Variants in DCC observed in about 807,000 individuals in gnomAD.
DCC encodes the protein netrin receptor DCC.
In DCC, 58 loss-of-function variants were observed where a neutral mutation model predicts 172.5. That is an observed-to-expected ratio of 0.34 (90% CI 0.27 to 0.42). The LOEUF (loss-of-function observed/expected upper bound fraction) is 0.42. Among genes scored for constraint, DCC ranks in the 10% least tolerant of loss-of-function variants. DCC has a pLI of 1.00. For missense variants in DCC, 1,740 were observed against 1,791.0 expected (o/e 0.97, Z 0.51); for synonymous variants, 709 against 644.5 (o/e 1.10, Z -1.52).
At chr18:53,202,279 G>A (rs1390513077) in intron 9 of DCC, among the ~76,000 whole-genome samples, 1 of 152,144 alleles carries the variant, frequency 6.6e-6, no homozygotes, top group East Asian at 1.9e-4. Flanking sequence ...AATGGGGCAT[G>A]TCACAGGGAC....
chr18:52,658,248 A>T (rs1049383674), intron 1 of DCC, among the ~76,000 whole-genome samples: 2 of 152,136 alleles, frequency 1.3e-5, no homozygotes, highest in African/African-American at 2.4e-5. Context: ...CAACTGCAAG[A>T]CCTCTCTGAT....
intron 27 of DCC, among the ~76,000 whole-genome samples, chr18:53,507,260 C>T (rs994026888): frequency 6.6e-6 from 1 of 152,132 alleles, no homozygotes; most frequent in African/African-American, 2.4e-5. Context: ...ATAAAGTGCT[C>T]ACATAAACCT....
chr18:52,973,517 G>A (rs1011490377), intron 5 of DCC, among the ~76,000 whole-genome samples: 2 of 151,984 alleles, frequency 1.3e-5, no homozygotes, highest in Non-Finnish European at 2.9e-5. Context: ...TTACATCCTT[G>A]CATCTTTCAT....
intron 1 of DCC, among the ~76,000 whole-genome samples, chr18:52,567,827 AAC>A (rs2033196125): frequency 6.6e-6 from 1 of 152,114 alleles, no homozygotes; most frequent in African/African-American, 2.4e-5. Context: ...CTTAAAAAAA[AAC>A]AGAGAGGTGA....
At chr18:53,043,919 G>T (rs1372472429) in intron 5 of DCC, among the ~76,000 whole-genome samples, 1 of 151,770 alleles carries the variant, frequency 6.6e-6, no homozygotes, top group Admixed American at 6.6e-5. Context: ...CTGTTACTGT[G>T]CCTGTGAATG....
chr18:53,099,634 A>T (rs1219185011), intron 7 of DCC, among the ~76,000 whole-genome samples: 2 of 152,148 alleles, frequency 1.3e-5, no homozygotes, highest in African/African-American at 4.8e-5. Flanking sequence ...GTTGAGCACT[A>T]TATATTTGTC....
chr18:53,211,580 T>C (rs6508207), intron 11 of DCC, among the ~76,000 whole-genome samples: 84,343 of 151,756 alleles, frequency 0.56, 24,822 homozygotes, highest in African/African-American at 0.72. Flanking sequence ...AAGAATTAGC[T>C]GGGCGTGGTG....
intron 25 of DCC, among the ~76,000 whole-genome samples, chr18:53,470,139 CTTCTT>C (rs1003538417): frequency 2.0e-5 from 3 of 152,064 alleles, no homozygotes; most frequent in Admixed American, 2.0e-4. Flanking sequence ...CCTACACCTG[CTTCTT>C]AGATAATGTC....
intron 8 of DCC, among the ~76,000 whole-genome samples, chr18:53,175,496 A>G (rs1291772073): frequency 6.6e-6 from 1 of 150,860 alleles, no homozygotes; most frequent in African/African-American, 2.4e-5. Flanking sequence ...ATACAAAATC[A>G]ATGTACAAAA....
At chr18:53,270,161 T>C (rs991142223) in intron 12 of DCC, among the ~76,000 whole-genome samples, 10 of 152,104 alleles carry the variant, frequency 6.6e-5, no homozygotes, top group Admixed American at 3.9e-4. Flanking sequence ...ATTCTGAGTT[T>C]TTATTTTTCC....
In DCC at chr18:53,327,584, T is replaced by C. The variant is rs143888666; in HGVS notation, c.2164+5427T>C. On this transcript the variant is annotated intron_variant, in intron 14 of 28. Transcript: ENST00000442544. ...AGTCGGCAGTGCAGACTTAAGAAAG[T>C]GCAACAGTGATGCAGCAAAAAAATG... Among the ~76,000 whole-genome samples the C allele has an allele frequency of 4.1e-3, 632 of 152,304 alleles. 3 individuals are homozygous for C. Among genetic ancestry groups the C allele is most frequent in the African/African-American group, 0.015 (613 of 41,578 alleles).
chr18:52,516,138 G>A (rs1433967195), intron 1 of DCC, among the ~76,000 whole-genome samples: 2 of 152,076 alleles, frequency 1.3e-5, no homozygotes, highest in South Asian at 2.1e-4. Flanking sequence ...CCCCTAGATT[G>A]CTGGTGGCAT....
chr18:52,872,523 A>G (rs1344972192), intron 2 of DCC, among the ~76,000 whole-genome samples: 1 of 152,160 alleles, frequency 6.6e-6, no homozygotes, highest in African/African-American at 2.4e-5. Context: ...GTCTCAAAAT[A>G]TGCCAAAGTA....
intron 1 of DCC, among the ~76,000 whole-genome samples, chr18:52,702,366 T>A (rs2036140210): frequency 6.6e-6 from 1 of 152,126 alleles, no homozygotes; most frequent in African/African-American, 2.4e-5. Context: ...CTTACCTCCT[T>A]TGAAAGCCAC....
At chr18:52,477,657 C>T (rs1989132248) in intron 1 of DCC, among the ~76,000 whole-genome samples, 1 of 152,154 alleles carries the variant, frequency 6.6e-6, no homozygotes, top group Non-Finnish European at 1.5e-5. Flanking sequence ...CCCAACACCC[C>T]ATCTCACAAA....
chr18:53,376,146 C>A (rs1163445146), intron 15 of DCC, among the ~76,000 whole-genome samples: 1 of 152,218 alleles, frequency 6.6e-6, no homozygotes, highest in Admixed American at 6.5e-5. Flanking sequence ...AATCCCAGCA[C>A]TCTGAGAGGC....
chr18:53,209,962 T>TA (rs1337697990), intron 11 of DCC, among the ~76,000 whole-genome samples: 4 of 152,128 alleles, frequency 2.6e-5, no homozygotes, highest in East Asian at 1.9e-4. Flanking sequence ...TCTGTCAGTA[T>TA]AAAAAAAGTA....
At chr18:53,432,010 A>T (rs1222292866) in intron 21 of DCC, among the ~76,000 whole-genome samples, 7 of 152,174 alleles carry the variant, frequency 4.6e-5, no homozygotes, top group Non-Finnish European at 1.0e-4. Flanking sequence ...ATTTAGTATG[A>T]TATGCAAAAA....
At chr18:52,899,343 C>CT (rs57712241) in intron 2 of DCC, among the ~76,000 whole-genome samples, 48 of 55,192 alleles carry the variant, frequency 8.7e-4, no homozygotes, top group South Asian at 6.8e-3. Context: ...TCTTTCTTTC[C>CT]TTTTTTTTTT....
Sources: gnomAD v4.1 joint callset for allele counts (sites outside exome capture counted in the v4.1 genomes callset) on GRCh38, gnomAD v4.1.1 for gene constraint, MANE v1.5 for transcripts, NCBI Gene and HGNC (gene_info 2026-07-23, HGNC 2026-07-21) for gene names.